The following GLE1 variants were observed in gnomAD, a reference collection of about 807,000 sequenced individuals.
GLE1 encodes the protein GLE1 RNA export mediator.
A neutral mutation model predicts 97.3 loss-of-function variants in GLE1; 78 were observed. The ratio of observed to expected loss-of-function variants is 0.80; its 90% confidence interval spans 0.67 to 0.97. The LOEUF is 0.97. Ranked by LOEUF, GLE1 falls within the 50% of genes least tolerant of loss-of-function variation. The probability of loss-of-function intolerance (pLI) is 0.00; values close to 1 mark genes in which losing one functional copy is unlikely to be tolerated. For missense variants in GLE1, 753 were observed against 857.5 expected (o/e 0.88, Z 1.52); for synonymous variants, 302 against 313.4 (o/e 0.96, Z 0.39).
chr9:128,541,472 T>C lies in GLE1; in HGVS notation c.*302T>C, dbSNP rs1249020497. On this transcript the variant is annotated 3_prime_UTR_variant, in exon 16 of 16. Transcript: ENST00000309971. ...ACTTGGTCTCCTCCCTTGTCTCTAGTGTCTTTCAGAAAGTTGGCAATACCT... is the reference window on the plus strand; with the variant it reads ...ACTTGGTCTCCTCCCTTGTCTCTAGCGTCTTTCAGAAAGTTGGCAATACCT... 18 of 408,904 alleles carry C rather than the reference T, an allele frequency of 4.4e-5. No individual in the cohort carries two copies. The allele number at this position is 408,904 out of a possible 1,614,324, so 25.3% of individuals were successfully genotyped here.
chr9:128,506,527 C>T lies in GLE1; in HGVS notation c.99+1623C>T, dbSNP rs144036637. Reference sequence around the variant, plus strand: ...TTGACACAAAAAGATGTCCCAGGTGCAAGTTTCCCTGTCTTAATCCTGGAA... The same window carrying T: ...TTGACACAAAAAGATGTCCCAGGTGTAAGTTTCCCTGTCTTAATCCTGGAA... On this transcript the variant is annotated intron_variant, in intron 1 of 15. Coordinates refer to ENST00000309971, the MANE Select transcript of GLE1 (RefSeq NM_001003722.2). 6.6e-5 allele frequency among the ~76,000 whole-genome samples: 10 copies of T among 152,250 alleles called. No individual in the cohort carries two copies. In the East Asian group the frequency reaches 1.9e-3, roughly 29 times the overall value.
chr9:128,508,735 T>A (rs972795807), intron 1 of GLE1, 141 bp from the exon 2 acceptor site: 2 of 687,178 alleles, frequency 2.9e-6, no homozygotes, highest in Non-Finnish European at 5.3e-6. Context: ...GTACTTTGTT[T>A]TCATCTGATT....
At position 128,525,227 on chromosome 9, in the gene GLE1, T is replaced by C; in HGVS notation, c.933T>C (p.Ala311=). ...SYPTAESQAE[A]ERALREMRDL... ...CCACAGCAGAGAGTCAAGCTGAGGC[T>C]GAGCGAGCTCTGCGGGAAATGCGGG... is the stretch of plus-strand genomic sequence containing the variant. The change falls in exon 7 of 16, where the codon GCT becomes GCC. Residue 311 remains alanine, a synonymous_variant. Coordinates refer to ENST00000309971, the MANE Select transcript of GLE1 (RefSeq NM_001003722.2). The C allele has an allele frequency of 6.2e-7, 1 of 1,614,082 alleles. No homozygotes were observed.
chr9:128,519,945 C>T (rs1339160787), intron 3 of GLE1, among the ~76,000 whole-genome samples: 1 of 152,128 alleles, frequency 6.6e-6, no homozygotes, highest in Non-Finnish European at 1.5e-5. Context: ...AAAGAACCTA[C>T]ATGACTATTG....
rs527463677 is a variant in GLE1, at chr9:128,530,990, G to T, written c.1313-2523G>T. 1.1e-3 allele frequency among the ~76,000 whole-genome samples: 166 copies of T among 151,940 alleles called. 1 individual carries two copies. Among genetic ancestry groups the T allele is most frequent in the Non-Finnish European group, 2.2e-3 (149 of 67,950 alleles). On this transcript the variant is annotated intron_variant, in intron 9 of 15. Coordinates refer to ENST00000309971, the MANE Select transcript of GLE1 (RefSeq NM_001003722.2). ...CCAGCACTTTGGGAGGCTGAGGCGG[G>T]TGGATCACAAGGTCAGGAGTTCGAG...
At chr9:128,529,819 C>T (rs1265637007) in intron 9 of GLE1, among the ~76,000 whole-genome samples, 3 of 151,812 alleles carry the variant, frequency 2.0e-5, no homozygotes, top group South Asian at 2.1e-4. Context: ...CTCTTTCGCC[C>T]AGGCTGGAGT....
chr9:128,527,492 A>G lies in GLE1; in HGVS notation c.1279A>G (p.Thr427Ala), dbSNP rs1589060397. Residue 427 changes from threonine (T) to alanine (A), a missense_variant, in exon 9 of 16, where the codon ACC becomes GCC. Transcript: ENST00000309971. ...KIKMDLQKAA[T>A]IPVSQISTIA... ...AAAGATGGACCTCCAGAAGGCTGCT[A>G]CCATCCCAGTGAGCCAAATCTCTAC... The G allele has an allele frequency of 6.2e-7, 1 of 1,613,220 alleles. No homozygotes were observed. Among genetic ancestry groups the G allele is most frequent in the Non-Finnish European group, 8.5e-7 (1 of 1,179,176 alleles).
intron 3 of GLE1, among the ~76,000 whole-genome samples, chr9:128,516,277 A>G (rs1407572512): frequency 6.6e-6 from 1 of 150,646 alleles, no homozygotes; most frequent in East Asian, 2.0e-4. Context: ...GCCTCTTGAA[A>G]AAATAGCAGC....
chr9:128,515,438 G>T (rs1262063984), intron 2 of GLE1, 91 bp from the exon 3 acceptor site: 34 of 740,854 alleles, frequency 4.6e-5, no homozygotes, highest in Non-Finnish European at 1.9e-5. Flanking sequence ...TTCATAAGTT[G>T]GGATGTGGTC....
At chr9:128,525,446 T>C in intron 7 of GLE1, 23 bp downstream of exon 7, 1 of 1,351,974 alleles carries the variant, frequency 7.4e-7, no homozygotes, top group Non-Finnish European at 1.0e-6. Context: ...ATGGATGTGG[T>C]CCTTTAACTC....
intron 2 of GLE1, among the ~76,000 whole-genome samples, chr9:128,510,770 C>G (rs890010139): frequency 1.3e-5 from 2 of 150,194 alleles, no homozygotes; most frequent in Admixed American, 6.6e-5. Flanking sequence ...CTCAGATGAT[C>G]TACCCACCTC....
intron 2 of GLE1, among the ~76,000 whole-genome samples, chr9:128,510,107 G>T (rs1202742110): frequency 6.6e-6 from 1 of 152,134 alleles, no homozygotes; most frequent in African/African-American, 2.4e-5. Flanking sequence ...AACCAGGATG[G>T]AGTGCAGTGG....
Position 128,541,101 on chromosome 9 carries a change from G to C in GLE1, c.2029-1G>C. 6.5e-7 allele frequency: 1 copy of C among 1,546,454 alleles called. No individual in the cohort carries two copies. On this transcript the variant is annotated splice_acceptor_variant, in intron 15 of 15. Transcript: ENST00000309971. LOFTEE classifies it high-confidence loss of function. ...TGTTTTCTTCATCTTTCCCTGACCA[G>C]AAATGTTTGCAACACAAGGACATTC...
At chr9:128,528,230 T>A (rs1283922459) in intron 9 of GLE1, among the ~76,000 whole-genome samples, 1 of 151,726 alleles carries the variant, frequency 6.6e-6, no homozygotes, top group African/African-American at 2.4e-5. Flanking sequence ...GTTCTTAATC[T>A]CCTGACCTGG....
At chr9:128,539,036 T>C (rs564713221) in intron 13 of GLE1, among the ~76,000 whole-genome samples, 40 of 151,740 alleles carry the variant, frequency 2.6e-4, no homozygotes, top group Admixed American at 9.9e-4. Context: ...AGCTCTGGAG[T>C]TCAAGACCAG....
Position 128,538,011 on chromosome 9 carries a change from G to T in GLE1, c.1802G>T (p.Gly601Val), listed in dbSNP as rs139974261. ...QEIHPHGLNH[G>V]WRWLAQILNM... is the part of the protein sequence containing the mutation. ...ATTCACCCTCATGGCTTAAATCATG[G>T]ATGGCGCTGGTTGGCACAGATCTTA... Residue 601 changes from glycine (G) to valine (V), a missense_variant, in exon 13 of 16, where the codon GGA (glycine) becomes GTA (valine). By Grantham distance (109) the Gly-to-Val change is moderately radical. Transcript: ENST00000309971. The T allele has an allele frequency of 2.5e-6, 4 of 1,610,910 alleles. No homozygotes were observed. In the African/African-American group the frequency reaches 5.3e-5, roughly 22 times the overall value.
Position 128,541,352 on chromosome 9 carries a change from T to A in GLE1, c.*182T>A. Reference sequence around the variant, plus strand: ...GGGTCACAAAATTCTTGGAGGTCCCTTAGTAGATTTGGTAGTTCCTTAAGA... The same window carrying A: ...GGGTCACAAAATTCTTGGAGGTCCCATAGTAGATTTGGTAGTTCCTTAAGA... On this transcript the variant is annotated 3_prime_UTR_variant, in exon 16 of 16. Transcript: ENST00000309971. The A allele has an allele frequency of 1.6e-6, 1 of 613,866 alleles. No individual in the cohort carries two copies. The highest frequency in any genetic ancestry group is 2.9e-6 in the Non-Finnish European group (1 of 344,030). The allele number at this position is 613,866 out of a possible 1,614,324, so 38.0% of individuals were successfully genotyped here.
intron 9 of GLE1, among the ~76,000 whole-genome samples, chr9:128,528,023 A>G (rs1320702506): frequency 1.5e-5 from 2 of 131,788 alleles, no homozygotes; most frequent in Non-Finnish European, 3.2e-5. Flanking sequence ...TTTTTGAGAC[A>G]GAGTCTTGCT....
intron 1 of GLE1, among the ~76,000 whole-genome samples, chr9:128,508,468 G>A (rs1246822020): frequency 2.6e-5 from 4 of 152,108 alleles, no homozygotes; most frequent in Non-Finnish European, 4.4e-5. Flanking sequence ...GATGCTTTAC[G>A]ATACTCGCAC....
Sources: allele counts gnomAD v4.1 joint callset (sites outside exome capture counted in the v4.1 genomes callset), GRCh38; gene constraint gnomAD v4.1.1; transcripts MANE v1.5; gene names NCBI Gene and HGNC (gene_info 2026-07-23, HGNC 2026-07-21).